LDAH: variants seen among roughly 807,000 people sequenced by gnomAD.
LDAH encodes the protein lipid droplet associated hydrolase.
Under a neutral mutation model 29.6 loss-of-function variants are expected in LDAH, and 26 were observed. The observed-to-expected ratio is 0.88, with a 90% CI of 0.64 to 1.22. The LOEUF (loss-of-function observed/expected upper bound fraction) is 1.22. LDAH is among the 50% of genes most tolerant of loss of function. LDAH has a pLI of 0.00. For missense variants in LDAH, 344 were observed against 387.3 expected (o/e 0.89, Z 0.94); for synonymous variants, 117 against 133.0 (o/e 0.88, Z 0.83).
At chr2:20,812,514 A>G (rs1028708165) in intron 1 of LDAH, among the ~76,000 whole-genome samples, 1 of 152,202 alleles carries the variant, frequency 6.6e-6, no homozygotes, top group Non-Finnish European at 1.5e-5. Context: ...TCTTGTTTTA[A>G]AAATCAACCC....
At chr2:20,778,838 A>C (rs1159723181) in intron 3 of LDAH, among the ~76,000 whole-genome samples, 1 of 152,234 alleles carries the variant, frequency 6.6e-6, no homozygotes, top group African/African-American at 2.4e-5. Context: ...TATTACATGT[A>C]TATTACTATA....
chr2:20,788,942 C>T (rs1670747480), intron 3 of LDAH: 2 of 531,644 alleles, frequency 3.8e-6, no homozygotes, highest in South Asian at 5.0e-5. Context: ...GTTTGCATCT[C>T]CATGGTATTA....
At chr2:20,812,265 C>T (rs536156036) in intron 1 of LDAH, among the ~76,000 whole-genome samples, 4 of 152,352 alleles carry the variant, frequency 2.6e-5, no homozygotes, top group Admixed American at 1.3e-4. Flanking sequence ...TCTATGCCAC[C>T]TCCCAGTCCT....
chr2:20,802,180 C>A (rs922146527), intron 1 of LDAH, among the ~76,000 whole-genome samples: 29 of 152,124 alleles, frequency 1.9e-4, no homozygotes, highest in African/African-American at 6.7e-4. Flanking sequence ...CTGCCTCAGC[C>A]TCCTGAGTAG....
intron 4 of LDAH, among the ~76,000 whole-genome samples, chr2:20,760,485 A>G (rs1037110997): frequency 6.6e-6 from 1 of 152,222 alleles, no homozygotes; most frequent in Non-Finnish European, 1.5e-5. Flanking sequence ...TTAGCATCTT[A>G]CCAGACTGCA....
chr2:20,791,176 T>C (rs1353551496), intron 2 of LDAH, among the ~76,000 whole-genome samples: 1 of 152,220 alleles, frequency 6.6e-6, no homozygotes, highest in Non-Finnish European at 1.5e-5. Context: ...TCCATTTTTA[T>C]ATCTTTCAGT....
At chr2:20,738,536 G>T (rs1666964157) in intron 5 of LDAH, among the ~76,000 whole-genome samples, 1 of 151,998 alleles carries the variant, frequency 6.6e-6, no homozygotes. Context: ...CGAGATCCAA[G>T]AACCCTCTCT....
intron 4 of LDAH, among the ~76,000 whole-genome samples, chr2:20,756,597 A>G (rs1668359510): frequency 6.6e-6 from 1 of 152,246 alleles, no homozygotes; most frequent in Non-Finnish European, 1.5e-5. Context: ...CTATTTGCAT[A>G]GATGCCAAAA....
At chr2:20,754,221 C>T (rs962001992) in intron 4 of LDAH, among the ~76,000 whole-genome samples, 1 of 152,050 alleles carries the variant, frequency 6.6e-6, no homozygotes, top group African/African-American at 2.4e-5. Context: ...GGCGCGGTGG[C>T]TCATGCCTAT....
At chr2:20,745,231 G>A (rs1484094960) in intron 4 of LDAH, among the ~76,000 whole-genome samples, 4 of 152,152 alleles carry the variant, frequency 2.6e-5, no homozygotes, top group African/African-American at 9.7e-5. Context: ...TAATTACAAA[G>A]AGTTTTCCAA....
chr2:20,701,431 A>C (rs1663924058), intron 6 of LDAH, 139 bp downstream of exon 6: 1 of 678,768 alleles, frequency 1.5e-6, no homozygotes, highest in Non-Finnish European at 2.5e-6. Context: ...GGATAATTTC[A>C]ATTTTAACTG....
At chr2:20,800,384 A>G (rs938779559) in intron 2 of LDAH, among the ~76,000 whole-genome samples, 1 of 152,264 alleles carries the variant, frequency 6.6e-6, no homozygotes, top group Non-Finnish European at 1.5e-5. Flanking sequence ...GTAAGAATCA[A>G]CTGAAAATCA....
Position 20,685,644 on chromosome 2 carries a change from A to T in LDAH, c.*1259T>A, listed in dbSNP as rs1440841266. 6.5e-6 allele frequency: 10 copies of T among 1,550,178 alleles called. No individual in the cohort carries two copies. Among genetic ancestry groups the T allele is most frequent in the Non-Finnish European group, 8.7e-6 (10 of 1,146,928 alleles). Reference sequence around the variant, plus strand: ...ATTGTCCTTAGGGAATGATAATGCCATGAGGGATTTCCTCTAGGAGAAAAA... The same window carrying T: ...ATTGTCCTTAGGGAATGATAATGCCTTGAGGGATTTCCTCTAGGAGAAAAA... On this transcript the variant is annotated 3_prime_UTR_variant, in exon 7 of 7. Transcript: ENST00000237822.
intron 2 of LDAH, among the ~76,000 whole-genome samples, chr2:20,791,473 G>A (rs989223184): frequency 6.6e-6 from 1 of 152,190 alleles, no homozygotes. Flanking sequence ...TAGCTATAAC[G>A]GTAATATACA....
intron 1 of LDAH, among the ~76,000 whole-genome samples, chr2:20,811,293 C>T (rs1041326012): frequency 2.0e-5 from 3 of 151,926 alleles, no homozygotes; most frequent in African/African-American, 7.3e-5. Context: ...GCTGGGATTA[C>T]AGGCGTGAGC....
At chr2:20,801,981 TATGA>T (rs1323569798) in intron 1 of LDAH, among the ~76,000 whole-genome samples, 7 of 151,708 alleles carry the variant, frequency 4.6e-5, no homozygotes, top group South Asian at 2.1e-4. Flanking sequence ...TGTGTGTATG[TATGA>T]ATATGTGTGT....
intron 4 of LDAH, among the ~76,000 whole-genome samples, chr2:20,766,549 A>G (rs760957703): frequency 2.0e-5 from 3 of 152,252 alleles, no homozygotes; most frequent in Non-Finnish European, 4.4e-5. Flanking sequence ...ATCATGAGTA[A>G]GAAACAAACC....
intron 4 of LDAH, among the ~76,000 whole-genome samples, chr2:20,766,057 T>C (rs1669010831): frequency 1.3e-5 from 2 of 152,002 alleles, no homozygotes; most frequent in Admixed American, 1.3e-4. Context: ...CTAGTCCAGA[T>C]GAATGGTTTT....
At position 20,685,044 on chromosome 2, in the gene LDAH, G is replaced by T; in HGVS notation, c.*1859C>A. 2 of 1,232,204 alleles carry T rather than the reference G, an allele frequency of 1.6e-6. No homozygotes were observed. Among genetic ancestry groups the T allele is most frequent in the South Asian group, 2.0e-5 (1 of 50,690 alleles). The allele number at this position is 1,232,204 out of a possible 1,614,324, so 76.3% of individuals were successfully genotyped here. A position where few individuals can be genotyped will look rare whatever the true frequency, so the allele number is the denominator to read the frequency against. On this transcript the variant is annotated 3_prime_UTR_variant, in exon 7 of 7. Coordinates refer to ENST00000237822, the MANE Select transcript of LDAH (RefSeq NM_021925.4). ...CTTGCCCAACACAGAGATCAGGCCA[G>T]ACCAGGTCAGAAATGCTGGTAAAAC... is the stretch of plus-strand genomic sequence containing the variant.
Sources: allele counts gnomAD v4.1 joint callset (sites outside exome capture counted in the v4.1 genomes callset), GRCh38; gene constraint gnomAD v4.1.1; transcripts MANE v1.5; gene names NCBI Gene and HGNC (gene_info 2026-07-23, HGNC 2026-07-21).